Variants in DOCK4 observed in about 807,000 individuals in gnomAD.
The protein encoded by DOCK4 is dedicator of cytokinesis protein 4.
A neutral mutation model predicts 268.1 loss-of-function variants in DOCK4; 97 were observed. The ratio of observed to expected loss-of-function variants is 0.36; its 90% CI spans 0.31 to 0.43. The LOEUF (loss-of-function observed/expected upper bound fraction) is 0.43, where lower values mean the gene tolerates loss of function less well. DOCK4 is among the 20% of genes least tolerant of loss of function. DOCK4 has a pLI of 1.00. For missense variants in DOCK4, 2,145 were observed against 2,455.7 expected, an observed-to-expected ratio of 0.87 and a Z score of 2.67; for synonymous variants, 954 against 887.2, an observed-to-expected ratio of 1.08 and a Z score of -1.34.
chr7:112,019,854 T>C (rs559828048), intron 1 of DOCK4, among the ~76,000 whole-genome samples: 6 of 152,324 alleles, frequency 3.9e-5, no homozygotes, highest in African/African-American at 1.4e-4. Context: ...GGATGAAGTC[T>C]TTAAAAAAAA....
At chr7:111,895,590 G>A (rs753561444) in intron 16 of DOCK4, 22 bp downstream of exon 16, 24 of 1,602,424 alleles carry the variant, frequency 1.5e-5, no homozygotes, top group East Asian at 8.9e-5. Flanking sequence ...ACTGCCCATC[G>A]CCACCATCTG....
intron 25 of DOCK4, among the ~76,000 whole-genome samples, chr7:111,842,605 C>A (rs926889793): frequency 6.6e-6 from 1 of 152,188 alleles, no homozygotes; most frequent in Non-Finnish European, 1.5e-5. Context: ...TTCATACCCA[C>A]GAGTCAGTGT....
chr7:112,187,148 C>T (rs929548047), intron 1 of DOCK4, among the ~76,000 whole-genome samples: 1 of 152,090 alleles, frequency 6.6e-6, no homozygotes, highest in African/African-American at 2.4e-5. Flanking sequence ...TACCAAAACA[C>T]TAAGAAATTA....
intron 13 of DOCK4, among the ~76,000 whole-genome samples, chr7:111,907,662 G>A (rs528989276): frequency 1.3e-5 from 2 of 152,236 alleles, no homozygotes; most frequent in East Asian, 1.9e-4. Context: ...AGCGGTGTGG[G>A]GGTCCAGTGA....
chr7:111,739,440 G>A lies in DOCK4; in HGVS notation c.5078C>T (p.Ser1693Leu). 3 of 1,576,306 alleles carry A rather than the reference G, an allele frequency of 1.9e-6. No homozygotes were observed. The highest frequency in any genetic ancestry group is 2.6e-6 in the Non-Finnish European group (3 of 1,160,944). Residue 1693 changes from serine to leucine, a missense_variant, in exon 48 of 53, where the codon TCG becomes TTG. By Grantham distance (145) the Ser-to-Leu change is moderately radical. Transcript: ENST00000428084. The stretch of plus-strand genomic sequence containing the variant: ...AGAACTTGTCACATTAGGTGAAGCC[G>A]AGTGAGTAGAACTCAAGCTTGAGGT... ...PSTSSLSSTHSASPNVTSSAP... is the reference protein window; with the variant it reads ...PSTSSLSSTHLASPNVTSSAP...
At chr7:111,831,244 C>T (rs1802787994) in intron 26 of DOCK4, among the ~76,000 whole-genome samples, 1 of 152,156 alleles carries the variant, frequency 6.6e-6, no homozygotes, top group African/African-American at 2.4e-5. Flanking sequence ...CACCAACACC[C>T]AGCCAATTGT....
chr7:111,982,825 G>A (rs1798709975), intron 7 of DOCK4, among the ~76,000 whole-genome samples: 1 of 152,186 alleles, frequency 6.6e-6, no homozygotes, highest in South Asian at 2.1e-4. Flanking sequence ...AGTGAGAGAT[G>A]TTCTTAAAAG....
chr7:112,004,143 G>A lies in DOCK4; in HGVS notation c.38-12C>T. 2 of 1,562,936 alleles carry A rather than the reference G, an allele frequency of 1.3e-6. No individual in the cohort carries two copies. The highest frequency in any genetic ancestry group is 1.2e-5 in the South Asian group (1 of 84,924). On this transcript the variant is annotated splice_polypyrimidine_tract_variant and intron_variant, in intron 1 of 52. Coordinates refer to ENST00000428084, the MANE Select transcript of DOCK4 (RefSeq NM_001363540.2). ...GAAACTGGCAATAACTGTAAAAAATGATAAAGAATATATGAAGACAATCAT... is the reference window on the plus strand; with the variant it reads ...GAAACTGGCAATAACTGTAAAAAATAATAAAGAATATATGAAGACAATCAT...
At chr7:111,815,040 G>C (rs1790390477) in intron 27 of DOCK4, among the ~76,000 whole-genome samples, 4 of 151,966 alleles carry the variant, frequency 2.6e-5, no homozygotes, top group Admixed American at 2.6e-4. Flanking sequence ...ATACATAAAC[G>C]CTGAGAAATC....
intron 27 of DOCK4, among the ~76,000 whole-genome samples, chr7:111,815,868 G>GCCA (rs1801510251): frequency 6.6e-6 from 1 of 151,918 alleles, no homozygotes; most frequent in Non-Finnish European, 1.5e-5. Context: ...ATGGGGTTTT[G>GCCA]CCATGTTGGC....
chr7:111,994,380 GA>G (rs1799763754), intron 4 of DOCK4, 149 bp from the exon 5 acceptor site: 3 of 518,562 alleles, frequency 5.8e-6, no homozygotes, highest in Non-Finnish European at 1.0e-5. Flanking sequence ...AAGTTAATGT[GA>G]GGAATGCTAC....
intron 27 of DOCK4, chr7:111,820,529 T>C (rs1265246279): frequency 6.6e-6 from 1 of 152,254 alleles, no homozygotes; most frequent in African/African-American, 2.4e-5. Context: ...AGTGTGTGTT[T>C]ACGCAAAGGT....
intron 1 of DOCK4, among the ~76,000 whole-genome samples, chr7:112,049,421 T>C (rs972650540): frequency 6.6e-6 from 1 of 151,844 alleles, no homozygotes; most frequent in African/African-American, 2.4e-5. Flanking sequence ...AGGAAATAAA[T>C]TATAATCATT....
intron 41 of DOCK4, among the ~76,000 whole-genome samples, chr7:111,756,695 T>C (rs1797042751): frequency 6.6e-6 from 1 of 151,964 alleles, no homozygotes; most frequent in South Asian, 2.1e-4. Context: ...ACCAAGTGTA[T>C]TCCCAAGAGG....
At chr7:112,047,906 A>T (rs543100345) in intron 1 of DOCK4, among the ~76,000 whole-genome samples, 1 of 152,196 alleles carries the variant, frequency 6.6e-6, no homozygotes, top group South Asian at 2.1e-4. Flanking sequence ...TCAGAGGCTC[A>T]TCTATAACGC....
Position 112,085,130 on chromosome 7 carries a change from C to A in DOCK4, c.38-80999G>T, listed in dbSNP as rs1335012581. Among the ~76,000 whole-genome samples the A allele has an allele frequency of 2.0e-5, 3 of 152,238 alleles. No individual in the cohort carries two copies. The East Asian group carries it at 5.8e-4, about 29-fold the overall frequency. On this transcript the variant is annotated intron_variant, in intron 1 of 52. Transcript: ENST00000428084. ...TCATATCACAAAGCCATCTTCTAAT[C>A]TTTTCTCCTCAAAATGAAGAGATTT...
rs1249825812 is a variant in DOCK4, at chr7:111,809,220, C to T, written c.3107+81G>A. 1.7e-5 allele frequency: 19 copies of T among 1,140,610 alleles called. No homozygotes were observed. The Middle Eastern group carries it at 6.3e-4, about 38-fold the overall frequency. The allele number at this position is 1,140,610 out of a possible 1,614,324, so 70.7% of individuals were successfully genotyped here. A position where few individuals can be genotyped will look rare whatever the true frequency, so the allele number is the denominator to read the frequency against. ...CTTCACTGTGTGATTTCCAGTTATG[C>T]GCATTCTGATTTATGAATCATTTGA... On this transcript the variant is annotated intron_variant, in intron 29 of 52. Transcript: ENST00000428084.
At chr7:111,764,799 G>C (rs1460868372) in intron 39 of DOCK4, among the ~76,000 whole-genome samples, 5 of 151,894 alleles carry the variant, frequency 3.3e-5, no homozygotes, top group African/African-American at 1.2e-4. Flanking sequence ...GCCTCCTGCA[G>C]TGCCCCACCA....
At chr7:111,943,285 T>G (rs187067571) in intron 10 of DOCK4, among the ~76,000 whole-genome samples, 1 of 152,206 alleles carries the variant, frequency 6.6e-6, no homozygotes, top group South Asian at 2.1e-4. Flanking sequence ...AAGGCTGCCC[T>G]GTGATGGGCA....
Sources: allele counts gnomAD v4.1 joint callset (sites outside exome capture counted in the v4.1 genomes callset), GRCh38; gene constraint gnomAD v4.1.1; transcripts MANE v1.5; gene names NCBI Gene and HGNC (gene_info 2026-07-23, HGNC 2026-07-21).